The following CSMD2 variants were observed in gnomAD, a reference collection of about 807,000 sequenced individuals.
CSMD2 encodes the protein CUB and sushi domain-containing protein 2.
CSMD2 carries 130 observed loss-of-function variants against 398.5 expected under a neutral mutation model. That is an observed-to-expected ratio of 0.33 (90% CI 0.28 to 0.38). The LOEUF (loss-of-function observed/expected upper bound fraction) is 0.38, where lower values mean the gene tolerates loss of function less well. CSMD2 is among the 10% of genes least tolerant of loss of function. CSMD2 has a pLI of 1.00. For missense variants in CSMD2, 3,829 were observed against 4,764.9 expected, an observed-to-expected ratio of 0.80 and a Z score of 5.78; for synonymous variants, 1,828 against 1,908.5, an observed-to-expected ratio of 0.96 and a Z score of 1.10.
chr1:34,152,673 C>T (rs886971861), intron 1 of CSMD2, among the ~76,000 whole-genome samples: 2 of 152,166 alleles, frequency 1.3e-5, no homozygotes, highest in Admixed American at 6.5e-5. Flanking sequence ...TCCTTGATCC[C>T]TTGTGTCTAA....
At chr1:34,038,326 G>A (rs1339023059) in intron 2 of CSMD2, among the ~76,000 whole-genome samples, 1 of 152,166 alleles carries the variant, frequency 6.6e-6, no homozygotes, top group Non-Finnish European at 1.5e-5. Context: ...GGCAAGGCAG[G>A]TGAGAGTCCC....
chr1:34,144,969 C>G (rs1639632127), intron 1 of CSMD2, among the ~76,000 whole-genome samples: 1 of 152,236 alleles, frequency 6.6e-6, no homozygotes, highest in African/African-American at 2.4e-5. Context: ...TCACACTGCC[C>G]TTTGTCCACT....
chr1:33,636,440 A>G lies in CSMD2; in HGVS notation c.4889T>C (p.Val1630Ala). The G allele has an allele frequency of 6.2e-7, 1 of 1,614,090 alleles. No homozygotes were observed. The highest frequency in any genetic ancestry group is 8.5e-7 in the Non-Finnish European group (1 of 1,180,000). ...GCAGCTCAGGGTCGAGGTGCCCTCA[A>G]CTTCGTAGCCCCCGTGGCAGTAGTA... Reference protein sequence around the residue: ...VTYYCHGGYEVEGTSTLSCIL... With the variant: ...VTYYCHGGYEAEGTSTLSCIL... The change falls in exon 30 of 71, where the codon GTT (valine) becomes GCT (alanine). Residue 1630 changes from valine (V) to alanine (A), a missense_variant. By Grantham distance (64) the Val-to-Ala change is moderately conservative (BLOSUM62 0). This residue lies in a region of CSMD2 where 2,001 missense variants were observed against 2,567.1 expected (regional missense o/e 0.78). Coordinates refer to ENST00000373381, the MANE Select transcript of CSMD2 (RefSeq NM_001281956.2). This position sits in a 1 kb window ranked among gnomAD's most constrained non-coding sequence, Gnocchi z 4.8.
At chr1:33,782,748 C>A (rs1189884300) in intron 12 of CSMD2, among the ~76,000 whole-genome samples, 1 of 152,220 alleles carries the variant, frequency 6.6e-6, no homozygotes, top group Non-Finnish European at 1.5e-5. Flanking sequence ...TTAGGCTCTA[C>A]AGGACTGCAG....
At chr1:33,539,597 G>C (rs919959846) in intron 60 of CSMD2, among the ~76,000 whole-genome samples, 1 of 152,210 alleles carries the variant, frequency 6.6e-6, no homozygotes, top group Non-Finnish European at 1.5e-5. Flanking sequence ...ACCATCAAAA[G>C]CTGAACTGTG....
rs754049116 is a variant in CSMD2, at chr1:33,726,687, T to TG, written c.2369-3dup. On this transcript the variant is annotated splice_polypyrimidine_tract_variant and splice_region_variant and intron_variant, in intron 15 of 70. Transcript: ENST00000373381. ...AAGTCAGGTGACCACCACAGGGAGC[T>TG]GGGGGGACAGAAGGAAGAGAGGCAG... 169 of 1,607,844 alleles carry TG rather than the reference T, an allele frequency of 1.1e-4. No homozygotes were observed. The highest frequency in any genetic ancestry group is 1.7e-4 in the Admixed American group (10 of 59,422).
chr1:33,667,956 C>T (rs61799706), intron 25 of CSMD2, among the ~76,000 whole-genome samples: 2,921 of 152,212 alleles, frequency 0.019, 40 homozygotes, highest in South Asian at 0.035. Flanking sequence ...CAGACACAAA[C>T]TCACTAAAAA....
At chr1:33,786,406 G>T (rs1484236223) in intron 12 of CSMD2, among the ~76,000 whole-genome samples, 1 of 152,164 alleles carries the variant, frequency 6.6e-6, no homozygotes, top group Non-Finnish European at 1.5e-5. Flanking sequence ...AGTAGTGAGT[G>T]ACAGGGCTTG....
rs1553244524 is a variant in CSMD2 at position 33,888,756 on chromosome 1, T to TTTTTTGTTGTTG, written c.920+29337_920+29338insCAACAACAAAAA. Among the ~76,000 whole-genome samples the TTTTTTGTTGTTG allele has an allele frequency of 5.0e-4, 74 of 148,938 alleles. 1 individual carries two copies. Among genetic ancestry groups the TTTTTTGTTGTTG allele is most frequent in the African/African-American group, 1.8e-3 (71 of 40,266 alleles). On this transcript the variant is annotated intron_variant, in intron 5 of 70. Coordinates refer to ENST00000373381, the MANE Select transcript of CSMD2 (RefSeq NM_001281956.2). The stretch of plus-strand genomic sequence containing the variant: ...GATCAAATCAGGAGATCAACTGATT[T>TTTTTTGTTGTTG]TTGTTGTTGTTGTTGTTGTTGTTGT...
chr1:33,771,248 C>A (rs1651219876), intron 13 of CSMD2, among the ~76,000 whole-genome samples: 1 of 152,196 alleles, frequency 6.6e-6, no homozygotes, highest in East Asian at 1.9e-4. Context: ...CTGCCCCGTG[C>A]ACCTGTCCCT....
intron 3 of CSMD2, among the ~76,000 whole-genome samples, chr1:33,959,339 C>G (rs1645271869): frequency 6.6e-6 from 1 of 152,206 alleles, no homozygotes; most frequent in African/African-American, 2.4e-5. Context: ...CTGCCCAGCA[C>G]AGTGCCAGAC....
At chr1:33,877,132 A>C (rs1640894789) in intron 5 of CSMD2, among the ~76,000 whole-genome samples, 1 of 152,218 alleles carries the variant, frequency 6.6e-6, no homozygotes, top group Non-Finnish European at 1.5e-5. Context: ...ATGGCTGCTG[A>C]GAGGAAATGG....
At chr1:33,776,671 G>A (rs1197414941) in intron 12 of CSMD2, among the ~76,000 whole-genome samples, 3 of 152,134 alleles carry the variant, frequency 2.0e-5, no homozygotes, top group South Asian at 4.1e-4. Context: ...AAAGGGGTAG[G>A]AGGATTGACT....
At chr1:33,955,741 C>CCACCAT (rs1645145418) in intron 3 of CSMD2, among the ~76,000 whole-genome samples, 1 of 123,434 alleles carries the variant, frequency 8.1e-6, no homozygotes, top group African/African-American at 2.9e-5. Flanking sequence ...CTGATCATCA[C>CCACCAT]CACCATCACC....
chr1:34,119,997 T>C (rs1434826333), intron 1 of CSMD2, among the ~76,000 whole-genome samples: 1 of 152,192 alleles, frequency 6.6e-6, no homozygotes, highest in Non-Finnish European at 1.5e-5. Context: ...TTATTCACAA[T>C]GGACAAGAGG....
chr1:33,651,041 C>T (rs1014323343), intron 28 of CSMD2, among the ~76,000 whole-genome samples: 15 of 152,168 alleles, frequency 9.9e-5, no homozygotes, highest in African/African-American at 3.6e-4. Context: ...TGAGCACTGT[C>T]ATTAGAGGAT....
At chr1:33,901,527 G>A (rs1324804963) in intron 5 of CSMD2, among the ~76,000 whole-genome samples, 1 of 152,224 alleles carries the variant, frequency 6.6e-6, no homozygotes, top group East Asian at 1.9e-4. Context: ...GGAGCCTGGG[G>A]TTGCCCAGTG....
Position 33,519,423 on chromosome 1 carries a change from T to C in CSMD2, c.*53+42A>G. 7.7e-7 allele frequency: 1 copy of C among 1,298,618 alleles called. No homozygotes were observed. The highest frequency in any genetic ancestry group is 1.1e-6 in the Non-Finnish European group (1 of 915,020). The allele number at this position is 1,298,618 out of a possible 1,614,324, so 80.4% of individuals were successfully genotyped here. On this transcript the variant is annotated intron_variant, in intron 70 of 70. Transcript: ENST00000373381. The surrounding 1 kb of genome is among the most constrained non-coding windows in gnomAD (Gnocchi z 5.6). ...CCCCTGGCACGCATAGGTCCCTGTC[T>C]GTGCTTGTCATGGCCTGTCTTCCTC...
chr1:34,140,253 A>G lies in CSMD2; in HGVS notation c.187+24658T>C, dbSNP rs971265046. ...ACTTGAGCCATGGTTAATGCAGTGA[A>G]AGGGGAAGATAATACTCCAGACAGA... On this transcript the variant is annotated intron_variant, in intron 1 of 70. Coordinates refer to ENST00000373381, the MANE Select transcript of CSMD2 (RefSeq NM_001281956.2). Among the ~76,000 whole-genome samples, 3 of 148,368 alleles carry G rather than the reference A, an allele frequency of 2.0e-5. No homozygotes were observed. In the Admixed American group the frequency reaches 2.1e-4, roughly 10 times the overall value.
Sources: gnomAD v4.1 joint callset for allele counts (sites outside exome capture counted in the v4.1 genomes callset) on GRCh38, gnomAD v4.1.1 for gene constraint, gnomAD v4.1.1 regional missense constraint, Gnocchi (gnomAD v3.1) non-coding constraint, MANE v1.5 for transcripts, NCBI Gene and HGNC (gene_info 2026-07-23, HGNC 2026-07-21) for gene names.